The following NHSL2 variants were observed in gnomAD, a reference collection of about 807,000 sequenced individuals.
NHSL2 encodes the protein NHS like 2, also known as NHS-like protein 2.
A neutral mutation model predicts 53.4 loss-of-function variants in NHSL2; 27 were observed. The observed-to-expected ratio is 0.51, with a 90% CI of 0.37 to 0.70. The LOEUF (loss-of-function observed/expected upper bound fraction) is 0.70, where lower values mean the gene tolerates loss of function less well. Ranked by LOEUF, NHSL2 falls within the 30% of genes least tolerant of loss-of-function variation. The pLI is 0.00. For synonymous variants in NHSL2, 408 were observed against 404.1 expected (o/e 1.01, Z -0.12); for missense variants, 892 against 980.1 (o/e 0.91, Z 1.20).
chrX:71,924,372 CT>C (rs958485393), intron 1 of NHSL2, among the ~76,000 whole-genome samples: 2 of 111,924 alleles, frequency 1.8e-5, no homozygotes, highest in Admixed American at 1.9e-4. Context: ...TCCTGCTATA[CT>C]TTTTTCACTA....
At chrX:71,983,988 C>G (rs61180919) in intron 1 of NHSL2, among the ~76,000 whole-genome samples, 2,359 of 111,403 alleles carry the variant, frequency 0.021, 63 homozygotes, top group African/African-American at 0.074. Context: ...TTACTGGGAC[C>G]GCAGCCCAGC....
chrX:72,074,342 G>A (rs1456741461), intron 1 of NHSL2, among the ~76,000 whole-genome samples: 7 of 112,693 alleles, frequency 6.2e-5, no homozygotes, highest in Non-Finnish European at 3.7e-5. Context: ...AAGCTAAAAT[G>A]GCAGAGACTT....
At chrX:72,001,310 C>T (rs998423977) in intron 1 of NHSL2, among the ~76,000 whole-genome samples, 3 of 111,920 alleles carry the variant, frequency 2.7e-5, no homozygotes, top group Non-Finnish European at 5.6e-5. Context: ...GCTGGTTTCG[C>T]TGTGCTACGG....
Position 71,973,962 on chromosome X carries a change from A to G in NHSL2, c.280+62595A>G, listed in dbSNP as rs1030424920. Among the ~76,000 whole-genome samples, 192 of 111,667 alleles carry G rather than the reference A, an allele frequency of 1.7e-3. 1 individual carries two copies. Among genetic ancestry groups the G allele is most frequent in the African/African-American group, 5.9e-3 (182 of 30,741 alleles). On this transcript the variant is annotated intron_variant, in intron 1 of 7. Coordinates refer to ENST00000633930, the MANE Select transcript of NHSL2 (RefSeq NM_001013627.3). ...CCATCCAGAACAGCGCTTCTGTAAC[A>G]TGGAGCTGGTGAGGGGCAGAACTGG...
chrX:72,019,515 A>G (rs2042150396), intron 1 of NHSL2, among the ~76,000 whole-genome samples: 1 of 112,370 alleles, frequency 8.9e-6, no homozygotes, highest in African/African-American at 3.2e-5. Flanking sequence ...TCCCGAGTAC[A>G]TGGAACAGTG....
rs1425126182 is a variant in NHSL2, at chrX:72,140,788, C to T, written c.3223+17C>T. On this transcript the variant is annotated intron_variant, in intron 6 of 7. Coordinates refer to ENST00000633930, the MANE Select transcript of NHSL2 (RefSeq NM_001013627.3). ...GCCCTCTGGGTTAGTAAACTGTCTG[C>T]TGGCTTTTTCCTTCAGTCACAGGAG... The T allele has an allele frequency of 8.8e-7, 1 of 1,138,744 alleles. No homozygotes were observed. Among genetic ancestry groups the T allele is most frequent in the East Asian group, 3.0e-5 (1 of 33,270 alleles). The allele number at this position is 1,138,744 out of a possible 1,213,427, so 93.8% of individuals were successfully genotyped here.
At chrX:71,949,826 C>T (rs1365496967) in intron 1 of NHSL2, among the ~76,000 whole-genome samples, 1 of 113,044 alleles carries the variant, frequency 8.8e-6, no homozygotes, top group African/African-American at 3.2e-5. Context: ...CCCCCCTCTG[C>T]CTTCCACATA....
At chrX:71,998,241 C>T (rs1163523177) in intron 1 of NHSL2, among the ~76,000 whole-genome samples, 1 of 112,375 alleles carries the variant, frequency 8.9e-6, no homozygotes, top group Non-Finnish European at 1.9e-5. Flanking sequence ...ATTTGAGGAG[C>T]TTAACTTGTA....
At chrX:71,953,283 T>TA (rs1258914326) in intron 1 of NHSL2, among the ~76,000 whole-genome samples, 1 of 112,422 alleles carries the variant, frequency 8.9e-6, no homozygotes, top group Non-Finnish European at 1.9e-5. Context: ...CTTCCCAAGG[T>TA]AGACCTGTGT....
intron 1 of NHSL2, among the ~76,000 whole-genome samples, chrX:71,989,593 G>C (rs754303601): frequency 9.0e-6 from 1 of 111,354 alleles, no homozygotes; most frequent in South Asian, 3.8e-4. Flanking sequence ...TTTTTCCAGA[G>C]CCCCAAGCAT....
intron 1 of NHSL2, among the ~76,000 whole-genome samples, chrX:72,107,014 A>G (rs1353166560): frequency 4.5e-5 from 5 of 111,076 alleles, no homozygotes; most frequent in Non-Finnish European, 9.4e-5. Context: ...CCTAATGTAA[A>G]TGACGAGTTG....
chrX:72,129,820 G>A, intron 1 of NHSL2: 1 of 1,182,144 alleles, frequency 8.5e-7, no homozygotes, highest in Non-Finnish European at 1.1e-6. Context: ...GTGGCCATCT[G>A]GCCCCAGCAC....
At chrX:72,041,330 G>T (rs937834306) in intron 1 of NHSL2, among the ~76,000 whole-genome samples, 1 of 111,622 alleles carries the variant, frequency 9.0e-6, no homozygotes, top group Non-Finnish European at 1.9e-5. Context: ...ATAGGGATGT[G>T]TGCGGACCGT....
intron 1 of NHSL2, among the ~76,000 whole-genome samples, chrX:71,934,921 G>A (rs1475009003): frequency 8.9e-6 from 1 of 112,382 alleles, no homozygotes; most frequent in Non-Finnish European, 1.9e-5. Flanking sequence ...ACATACCTGA[G>A]TGATAACTGA....
At chrX:71,988,227 TC>T (rs2042011487) in intron 1 of NHSL2, among the ~76,000 whole-genome samples, 1 of 111,767 alleles carries the variant, frequency 8.9e-6, no homozygotes, top group Admixed American at 9.5e-5. Context: ...GTTGAAGGGA[TC>T]TTTTTTGAAG....
intron 1 of NHSL2, among the ~76,000 whole-genome samples, chrX:72,104,855 G>T (rs773321469): frequency 9.0e-6 from 1 of 111,647 alleles, no homozygotes; most frequent in East Asian, 2.8e-4. Context: ...GCTCAACAAG[G>T]AAGAAAAGGC....
At chrX:72,088,848 T>C (rs943844378) in intron 1 of NHSL2, among the ~76,000 whole-genome samples, 2 of 112,511 alleles carry the variant, frequency 1.8e-5, no homozygotes, top group African/African-American at 6.5e-5. Context: ...AATTCATTGG[T>C]GCGTTGGCCT....
At chrX:72,082,804 C>A (rs923295911) in intron 1 of NHSL2, among the ~76,000 whole-genome samples, 2 of 112,117 alleles carry the variant, frequency 1.8e-5, no homozygotes, top group Admixed American at 9.4e-5. Flanking sequence ...GGCCCACCGC[C>A]AACCTCGGCC....
intron 7 of NHSL2, among the ~76,000 whole-genome samples, chrX:72,142,593 C>G (rs1222793576): frequency 9.0e-6 from 1 of 111,225 alleles, no homozygotes; most frequent in Non-Finnish European, 1.9e-5. Context: ...TCACTGACAT[C>G]GTTGGGTAAA....
Sources: allele counts gnomAD v4.1 joint callset (sites outside exome capture counted in the v4.1 genomes callset), GRCh38; gene constraint gnomAD v4.1.1; transcripts MANE v1.5; gene names NCBI Gene and HGNC (gene_info 2026-07-23, HGNC 2026-07-21).